The following TRMT61B variants were observed in gnomAD, a reference collection of about 807,000 sequenced individuals.
The protein encoded by TRMT61B is tRNA (adenine(58)-N(1))-methyltransferase, mitochondrial.
TRMT61B carries 56 observed loss-of-function variants against 52.0 expected under a neutral mutation model. The observed-to-expected ratio is 1.08, with a 90% CI of 0.87 to 1.35. The LOEUF is 1.35. TRMT61B is among the 40% of genes most tolerant of loss of function. The pLI, the probability that TRMT61B is intolerant of heterozygous loss-of-function variation, is 0.00. For missense variants in TRMT61B, 650 were observed against 577.9 expected, an observed-to-expected ratio of 1.12 and a Z score of -1.28; for synonymous variants, 206 against 220.0, an observed-to-expected ratio of 0.94 and a Z score of 0.56.
Position 28,864,910 on chromosome 2 carries a change from T to A in TRMT61B, c.802+107A>T, listed in dbSNP as rs1055121297. The A allele has an allele frequency of 6.3e-6, 4 of 638,972 alleles. No individual in the cohort carries two copies. The East Asian group carries it at 1.1e-4, about 18-fold the overall frequency. 39.6% of individuals were successfully genotyped at this position (638,972 alleles called of 1,614,324 possible). ...TTACTTTCAGATTCTAGGAGAATGC[T>A]ACCTCAATGTTAGGTATTTTCCCAA... On this transcript the variant is annotated intron_variant, in intron 2 of 6. Coordinates refer to ENST00000306108, the MANE Select transcript of TRMT61B (RefSeq NM_017910.4).
At chr2:28,862,204 CAAAA>C (rs66527180) in intron 2 of TRMT61B, among the ~76,000 whole-genome samples, 1 of 65,456 alleles carries the variant, frequency 1.5e-5, no homozygotes, top group African/African-American at 6.3e-5. Flanking sequence ...GACTCCGTCT[CAAAA>C]AAAAAAAAAA....
In TRMT61B at chr2:28,869,689, G is replaced by A. The variant is rs1247382531; in HGVS notation, c.589C>T (p.Pro197Ser). The change falls in exon 1 of 7, where the codon CCC (proline) becomes TCC (serine). Residue 197 changes from proline to serine, a missense_variant. By Grantham distance (74) the Pro-to-Ser change is moderately conservative. Transcript: ENST00000306108. ...AAGGAACTCCTCAGTATCTGGCCGG[G>A]GAACTTCCCCACGATCTTGCCGAAC... ...VPFGKIVGKF[P>S]GQILRSSFGK... 17 of 1,614,146 alleles carry A rather than the reference G, an allele frequency of 1.1e-5. No individual in the cohort carries two copies. The highest frequency in any genetic ancestry group is 1.4e-5 in the Non-Finnish European group (17 of 1,180,020).
chr2:28,861,117 C>T lies in TRMT61B; in HGVS notation c.993+1G>A. ...CACAGGACCCACGTTAGAAAACTTA[C>T]TGCGTCAAATGTTAAAGATTTTATG... On this transcript the variant is annotated splice_donor_variant, in intron 3 of 6. Transcript: ENST00000306108. LOFTEE classifies it high-confidence loss of function. 1 of 1,592,790 alleles carries T rather than the reference C, an allele frequency of 6.3e-7. No homozygotes were observed. The highest frequency in any genetic ancestry group is 1.1e-5 in the South Asian group (1 of 87,022).
At chr2:28,866,118 T>G (rs1196761449) in intron 1 of TRMT61B, among the ~76,000 whole-genome samples, 1 of 151,680 alleles carries the variant, frequency 6.6e-6, no homozygotes, top group African/African-American at 2.4e-5. Context: ...GCCTCCCAAG[T>G]AGCTGGGATT....
chr2:28,867,052 G>A (rs529583366), intron 1 of TRMT61B, among the ~76,000 whole-genome samples: 15 of 152,088 alleles, frequency 9.9e-5, no homozygotes, highest in Middle Eastern at 3.4e-3. Context: ...TCCTGCCTTG[G>A]CCTCACAAAG....
intron 4 of TRMT61B, among the ~76,000 whole-genome samples, chr2:28,851,984 G>A (rs572971302): frequency 6.9e-6 from 1 of 144,246 alleles, no homozygotes; most frequent in South Asian, 2.3e-4. Flanking sequence ...TAAAACAGTT[G>A]TATAAGATGC....
At chr2:28,851,890 A>C (rs1204963212) in intron 4 of TRMT61B, among the ~76,000 whole-genome samples, 2 of 149,800 alleles carry the variant, frequency 1.3e-5, no homozygotes, top group Non-Finnish European at 1.5e-5. Flanking sequence ...AAAAAAAAAA[A>C]AAAAAAAAAA....
chr2:28,850,949 GAATA>G, intron 5 of TRMT61B, 119 bp downstream of exon 5: 1 of 639,936 alleles, frequency 1.6e-6, no homozygotes, highest in East Asian at 3.0e-5. Context: ...CATCTTAACA[GAATA>G]AATATCACAC....
At chr2:28,865,198 G>A (rs1558348970) in intron 1 of TRMT61B, 79 bp from the exon 2 acceptor site, 3 of 780,402 alleles carry the variant, frequency 3.8e-6, no homozygotes, top group Non-Finnish European at 6.4e-6. Flanking sequence ...ACATTGTTGG[G>A]TGTGCAGAAG....
At chr2:28,860,504 C>T (rs188335809) in intron 3 of TRMT61B, among the ~76,000 whole-genome samples, 1 of 152,136 alleles carries the variant, frequency 6.6e-6, no homozygotes, top group African/African-American at 2.4e-5. Flanking sequence ...AGATCTCCAC[C>T]ATGTTTGATC....
intron 1 of TRMT61B, among the ~76,000 whole-genome samples, chr2:28,868,240 C>T (rs1669932021): frequency 6.6e-6 from 1 of 152,018 alleles, no homozygotes; most frequent in Non-Finnish European, 1.5e-5. Context: ...CCATTGAGGC[C>T]ACAACAGAAA....
chr2:28,856,806 T>A (rs1001999437), intron 3 of TRMT61B, among the ~76,000 whole-genome samples: 1 of 152,028 alleles, frequency 6.6e-6, no homozygotes. Context: ...AACTAATTTT[T>A]TTTTATCTTT....
chr2:28,867,223 G>A (rs185448102), intron 1 of TRMT61B, among the ~76,000 whole-genome samples: 110 of 152,138 alleles, frequency 7.2e-4, no homozygotes, highest in Middle Eastern at 6.8e-3. Flanking sequence ...AGCCTCCTGC[G>A]TAGCTGGGAC....
At position 28,852,467 on chromosome 2, in the gene TRMT61B, A is replaced by G. The variant is rs746654358; in HGVS notation, c.1026T>C (p.Thr342=). ...VALDMLNPHV[T]LPVFYPHLKH... Reference sequence around the variant, plus strand: ...TAAGATGTGGGTAAAAAACAGGCAAAGTAACATGAGGATTTAACATATCCA... The same window carrying G: ...TAAGATGTGGGTAAAAAACAGGCAAGGTAACATGAGGATTTAACATATCCA... Residue 342 remains threonine, a synonymous_variant, in exon 4 of 7, where the codon ACT becomes ACC. Transcript: ENST00000306108. 1.7e-5 allele frequency: 27 copies of G among 1,612,672 alleles called. No individual in the cohort carries two copies. Among genetic ancestry groups the G allele is most frequent in the Non-Finnish European group, 2.0e-5 (24 of 1,178,966 alleles).
At position 28,861,195 on chromosome 2, in the gene TRMT61B, A is replaced by G. The variant is rs779446228; in HGVS notation, c.916T>C (p.Trp306Arg). Residue 306 changes from tryptophan (W) to arginine (R), a missense_variant, in exon 3 of 7, where the codon TGG (tryptophan) becomes CGG (arginine). Trp to Arg is a moderately radical substitution (Grantham distance 101). Coordinates refer to ENST00000306108, the MANE Select transcript of TRMT61B (RefSeq NM_017910.4). ...DSWKLSHVEEWPDNVDFIHKD... is the reference protein window; with the variant it reads ...DSWKLSHVEERPDNVDFIHKD... ...TGAATAAAATCCACATTGTCTGGCC[A>G]CTCTTCTACATGACTTAATTTCCAT... is the stretch of plus-strand genomic sequence containing the variant. The G allele has an allele frequency of 1.2e-6, 2 of 1,613,192 alleles. No individual in the cohort carries two copies. Among genetic ancestry groups the G allele is most frequent in the East Asian group, 4.5e-5 (2 of 44,826 alleles).
intron 3 of TRMT61B, among the ~76,000 whole-genome samples, chr2:28,854,514 C>T (rs1030000549): frequency 2.0e-5 from 3 of 151,814 alleles, no homozygotes; most frequent in Non-Finnish European, 4.4e-5. Flanking sequence ...CCGAGGTGAG[C>T]GGATCACCTG....
chr2:28,853,595 G>C (rs903238902), intron 3 of TRMT61B, among the ~76,000 whole-genome samples: 10 of 152,172 alleles, frequency 6.6e-5, no homozygotes, highest in African/African-American at 2.4e-4. Flanking sequence ...CCAGCACTTT[G>C]GGAGCCCAGG....
chr2:28,858,041 CT>C (rs372996493), intron 3 of TRMT61B, among the ~76,000 whole-genome samples: 154 of 133,282 alleles, frequency 1.2e-3, no homozygotes, highest in Middle Eastern at 4.1e-3. Flanking sequence ...TTGTTTAATT[CT>C]TTTTTTTTTT....
intron 3 of TRMT61B, among the ~76,000 whole-genome samples, chr2:28,854,385 T>C (rs1168209321): frequency 3.3e-5 from 5 of 151,866 alleles, no homozygotes; most frequent in South Asian, 2.1e-4. Context: ...GGGAGGAGGA[T>C]TGCTTGAGCC....
Sources: allele counts gnomAD v4.1 joint callset (sites outside exome capture counted in the v4.1 genomes callset), GRCh38; gene constraint gnomAD v4.1.1; transcripts MANE v1.5; gene names NCBI Gene and HGNC (gene_info 2026-07-23, HGNC 2026-07-21).